ZNF808: variants seen among roughly 807,000 people sequenced by gnomAD.
ZNF808 encodes zinc finger protein 808.
In ZNF808, 5 loss-of-function variants were observed where a neutral mutation model predicts 8.7. The ratio of observed to expected loss-of-function variants is 0.58; its 90% CI spans 0.30 to 1.21. The LOEUF (loss-of-function observed/expected upper bound fraction) is 1.21. Ranked by LOEUF, ZNF808 falls within the 50% of genes most tolerant of loss-of-function variation. ZNF808 has a pLI of 0.07. For synonymous variants in ZNF808, 380 were observed against 366.0 expected, an observed-to-expected ratio of 1.04 and a Z score of -0.44; for missense variants, 1,103 against 1,098.4, an observed-to-expected ratio of 1.00 and a Z score of -0.06.
downstream of ZNF808, among the ~76,000 whole-genome samples, chr19:52,567,515 T>C (rs1240069133): frequency 6.8e-6 from 1 of 146,324 alleles, no homozygotes; most frequent in African/African-American, 2.5e-5. Flanking sequence ...TTATTATTAT[T>C]ATTATTATTA....
chr19:52,552,429 T>C (rs960112194), intron 4 of ZNF808, among the ~76,000 whole-genome samples: 23 of 151,608 alleles, frequency 1.5e-4, no homozygotes, highest in Admixed American at 4.6e-4. Flanking sequence ...TTTTTTTCTG[T>C]TTGAGGCAGA....
intron 2 of ZNF808, among the ~76,000 whole-genome samples, chr19:52,540,081 G>A (rs1404204335): frequency 1.3e-5 from 2 of 151,420 alleles, no homozygotes; most frequent in Admixed American, 6.6e-5. Flanking sequence ...GCACGACCTC[G>A]TCTCACTGCA....
chr19:52,540,664 C>A (rs754187941), intron 2 of ZNF808, among the ~76,000 whole-genome samples: 27 of 152,050 alleles, frequency 1.8e-4, no homozygotes, highest in Non-Finnish European at 3.7e-4. Flanking sequence ...TCCCTCTGGT[C>A]CATAATATTC....
chr19:52,542,182 C>A (rs2059677618), intron 2 of ZNF808, among the ~76,000 whole-genome samples: 1 of 151,944 alleles, frequency 6.6e-6, no homozygotes, highest in Non-Finnish European at 1.5e-5. Flanking sequence ...CAACTTCTGA[C>A]TCCTGGGATC....
chr19:52,535,317 C>A lies in ZNF808; in HGVS notation c.-20+2308C>A, dbSNP rs146072869. 6.8e-5 allele frequency among the ~76,000 whole-genome samples: 8 copies of A among 117,416 alleles called. No individual in the cohort carries two copies. The Admixed American group carries it at 1.0e-3, about 15-fold the overall frequency. The allele number at this position is 117,416 out of a possible 152,430, so 77.0% of individuals were successfully genotyped here. On this transcript the variant is annotated intron_variant, in intron 2 of 4. Coordinates refer to ENST00000359798, the MANE Select transcript of ZNF808 (RefSeq NM_001039886.4). ...CTGCACTCCAGCCTGGGTGACAGAGCGAGACTCCGTCTCAAAAAAAAAAAA... is the reference window on the plus strand; with the variant it reads ...CTGCACTCCAGCCTGGGTGACAGAGAGAGACTCCGTCTCAAAAAAAAAAAA...
chr19:52,557,962 G>A (rs373725724), downstream of ZNF808, among the ~76,000 whole-genome samples: 2 of 147,268 alleles, frequency 1.4e-5, no homozygotes, highest in African/African-American at 2.5e-5. Context: ...AGCTCAGCCC[G>A]AGTGACTCTG....
exon 4 of ZNF808, chr19:52,564,354 T>C (rs1975903): frequency 0.097 from 51,182 of 527,936 alleles, 4,757 homozygotes; most frequent in African/African-American, 0.36. Flanking sequence ...TATATTTTTT[T>C]CTCTCTGAAT....
intron 2 of ZNF808, among the ~76,000 whole-genome samples, chr19:52,536,478 C>T (rs921721016): frequency 6.6e-6 from 1 of 152,112 alleles, no homozygotes; most frequent in African/African-American, 2.4e-5. Flanking sequence ...AGGTGCCACC[C>T]TTGTCTTAAG....
intron 4 of ZNF808, among the ~76,000 whole-genome samples, chr19:52,551,809 C>T (rs1290089800): frequency 6.6e-6 from 1 of 151,796 alleles, no homozygotes; most frequent in African/African-American, 2.4e-5. Context: ...TTGAGACCAG[C>T]CTGGCCAACA....
At position 52,554,219 on chromosome 19, in the gene ZNF808, G is replaced by C; in HGVS notation, c.1303G>C (p.Val435Leu). The C allele has an allele frequency of 6.2e-7, 1 of 1,613,694 alleles. No homozygotes were observed. The highest frequency in any genetic ancestry group is 8.5e-7 in the Non-Finnish European group (1 of 1,179,730). Residue 435 changes from valine to leucine, a missense_variant, in exon 5 of 5, where the codon GTT (valine) becomes CTT (leucine). By Grantham distance (32) the Val-to-Leu change is conservative (BLOSUM62 1). Coordinates refer to ENST00000359798, the MANE Select transcript of ZNF808 (RefSeq NM_001039886.4). Reference protein sequence around the residue: ...KPYKCEECDKVFSQKSTLERH... With the variant: ...KPYKCEECDKLFSQKSTLERH... ...TTACAAATGTGAAGAATGTGACAAA[G>C]TTTTCAGTCAGAAATCAACCCTTGA...
At chr19:52,544,423 C>G (rs1044262630) in intron 3 of ZNF808, among the ~76,000 whole-genome samples, 3 of 152,042 alleles carry the variant, frequency 2.0e-5, no homozygotes, top group African/African-American at 7.2e-5. Flanking sequence ...CTCCCCCTCC[C>G]AGTTTCAAGC....
chr19:52,555,677 C>A lies in ZNF808; in HGVS notation c.*49C>A. 1 of 1,566,920 alleles carries A rather than the reference C, an allele frequency of 6.4e-7. No homozygotes were observed. The highest frequency in any genetic ancestry group is 8.6e-7 in the Non-Finnish European group (1 of 1,158,392). ...CAGTAACACTACAACAATTGCAAAT[C>A]ATTGGAGAATCCATGATGAAGAGAA... On this transcript the variant is annotated 3_prime_UTR_variant, in exon 5 of 5. Transcript: ENST00000359798.
At chr19:52,530,615 AT>A (rs1439865849) in intron 1 of ZNF808, among the ~76,000 whole-genome samples, 1 of 151,188 alleles carries the variant, frequency 6.6e-6, no homozygotes, top group African/African-American at 2.4e-5. Context: ...GTGAGCCGAG[AT>A]TGCATCACTG....
intron 3 of ZNF808, among the ~76,000 whole-genome samples, chr19:52,545,658 A>G (rs2059713436): frequency 6.6e-6 from 1 of 152,010 alleles, no homozygotes; most frequent in African/African-American, 2.4e-5. Flanking sequence ...GGTGCCTCAA[A>G]TCCTAGCTAC....
intron 2 of ZNF808, among the ~76,000 whole-genome samples, chr19:52,534,183 C>T (rs1409590905): frequency 2.0e-5 from 3 of 152,102 alleles, no homozygotes; most frequent in Admixed American, 6.6e-5. Flanking sequence ...AAATTACAGG[C>T]GCCTGCCACC....
At chr19:52,541,604 A>G (rs1429913256) in intron 2 of ZNF808, among the ~76,000 whole-genome samples, 1 of 152,042 alleles carries the variant, frequency 6.6e-6, no homozygotes, top group Non-Finnish European at 1.5e-5. Flanking sequence ...GACTGACAAA[A>G]TACAGTGTGT....
chr19:52,565,584 T>C (rs2059871201), downstream of ZNF808, among the ~76,000 whole-genome samples: 1 of 152,204 alleles, frequency 6.6e-6, no homozygotes, highest in Non-Finnish European at 1.5e-5. Flanking sequence ...TCTGCACACC[T>C]GAGTCAAATG....
intron 2 of ZNF808, among the ~76,000 whole-genome samples, chr19:52,535,719 C>A (rs1336906428): frequency 6.6e-6 from 1 of 152,198 alleles, no homozygotes. Flanking sequence ...TATTCCGCCC[C>A]GGCAGGGCTT....
intron 2 of ZNF808, among the ~76,000 whole-genome samples, chr19:52,535,480 T>C (rs138784935): frequency 0.018 from 2,778 of 151,994 alleles, 78 homozygotes; most frequent in African/African-American, 0.064. Flanking sequence ...GCTTCCTGAG[T>C]AGCTGGGACC....
Sources: gnomAD v4.1 joint callset for allele counts (sites outside exome capture counted in the v4.1 genomes callset) on GRCh38, gnomAD v4.1.1 for gene constraint, MANE v1.5 for transcripts, NCBI Gene and HGNC (gene_info 2026-07-23, HGNC 2026-07-21) for gene names.